Variants in SLC4A4 observed in about 807,000 individuals in gnomAD.
The protein encoded by SLC4A4 is electrogenic sodium bicarbonate cotransporter 1.
In SLC4A4, 27 loss-of-function variants were observed where a neutral mutation model predicts 111.5. That is an observed-to-expected ratio of 0.24 (90% CI 0.18 to 0.33). The LOEUF is 0.33. SLC4A4 is among the 10% of genes least tolerant of loss of function. The probability of loss-of-function intolerance (pLI) is 1.00; values close to 1 mark genes in which losing one functional copy is unlikely to be tolerated. For synonymous variants in SLC4A4, 443 were observed against 463.4 expected (o/e 0.96, Z 0.57); for missense variants, 909 against 1,315.5 (o/e 0.69, Z 4.78).
At chr4:71,370,608 T>A (rs150240243) in intron 6 of SLC4A4, among the ~76,000 whole-genome samples, 4 of 152,194 alleles carry the variant, frequency 2.6e-5, no homozygotes, top group Non-Finnish European at 4.4e-5. Context: ...TGAGTTAATC[T>A]TACCAACATA....
chr4:71,296,891 A>G (rs1366380564), intron 3 of SLC4A4, among the ~76,000 whole-genome samples: 3 of 152,216 alleles, frequency 2.0e-5, no homozygotes, highest in Non-Finnish European at 2.9e-5. Context: ...ATTATCCTTC[A>G]TTGGATATTA....
chr4:71,292,831 TG>T lies in SLC4A4; in HGVS notation c.253+37434del, dbSNP rs1724462653. Reference sequence around the variant, plus strand: ...ACATAGTGTGAGTATGTCTTACTTTTGGTTTTTTTTGTTTTTTTTTTTTTTT... The same window carrying T: ...ACATAGTGTGAGTATGTCTTACTTTTGTTTTTTTTGTTTTTTTTTTTTTTT... On this transcript the variant is annotated intron_variant, in intron 3 of 25. Coordinates refer to ENST00000264485, the MANE Select transcript of SLC4A4 (RefSeq NM_001098484.3). 1.1e-4 allele frequency among the ~76,000 whole-genome samples: 16 copies of T among 143,622 alleles called. 1 individual carries two copies. The highest frequency in any genetic ancestry group is 4.4e-4 in the Admixed American group (6 of 13,736). The allele number at this position is 143,622 out of a possible 152,430, so 94.2% of individuals were successfully genotyped here. A position where few individuals can be genotyped will look rare whatever the true frequency, so the allele number is the denominator to read the frequency against.
At chr4:71,226,948 C>G (rs143801344) in intron 1 of SLC4A4, among the ~76,000 whole-genome samples, 9 of 152,086 alleles carry the variant, frequency 5.9e-5, no homozygotes, top group Middle Eastern at 3.4e-3. Flanking sequence ...GGTAGAAAAA[C>G]TTCAGAAAGA....
intron 6 of SLC4A4, among the ~76,000 whole-genome samples, chr4:71,380,416 C>G (rs1718010143): frequency 6.6e-6 from 1 of 152,174 alleles, no homozygotes; most frequent in Non-Finnish European, 1.5e-5. Flanking sequence ...AGGTCTGTCT[C>G]TTTCTGGGCA....
rs534837122 is a variant in SLC4A4, at chr4:71,365,766, A to G, written c.730+8579A>G. On this transcript the variant is annotated intron_variant, in intron 6 of 25. Coordinates refer to ENST00000264485, the MANE Select transcript of SLC4A4 (RefSeq NM_001098484.3). ...AAAATGTCATTCCATTAACTATATTAGTAGTAGAAATAAGAATAATGCCTC... is the reference window on the plus strand; with the variant it reads ...AAAATGTCATTCCATTAACTATATTGGTAGTAGAAATAAGAATAATGCCTC... Among the ~76,000 whole-genome samples the G allele has an allele frequency of 2.2e-4, 34 of 152,320 alleles. No homozygotes were observed. In the South Asian group the frequency reaches 6.8e-3, roughly 31 times the overall value.
chr4:71,174,759 T>C (rs549455740), intron 2 of SLC4A4, among the ~76,000 whole-genome samples: 3 of 152,222 alleles, frequency 2.0e-5, no homozygotes, highest in Non-Finnish European at 4.4e-5. Flanking sequence ...TTATTTGTTT[T>C]TGAGACAGGG....
chr4:71,101,481 C>A (rs144689478), intron 2 of SLC4A4, among the ~76,000 whole-genome samples: 6 of 152,166 alleles, frequency 3.9e-5, no homozygotes, highest in Non-Finnish European at 5.9e-5. Context: ...CATTTACCTC[C>A]AGAACTCTTT....
chr4:71,212,721 G>A (rs1718204947), intron 1 of SLC4A4, among the ~76,000 whole-genome samples: 1 of 152,208 alleles, frequency 6.6e-6, no homozygotes, highest in African/African-American at 2.4e-5. Flanking sequence ...AGCAGGTTTA[G>A]TTTTGGGTAG....
chr4:71,453,860 C>A (rs952172232), intron 12 of SLC4A4, among the ~76,000 whole-genome samples, 191 bp downstream of exon 12: 1 of 151,980 alleles, frequency 6.6e-6, no homozygotes, highest in African/African-American at 2.4e-5. Flanking sequence ...AAAAATAGCT[C>A]GATGAAATCT....
At chr4:71,565,207 C>T (rs554152100) in intron 24 of SLC4A4, among the ~76,000 whole-genome samples, 24 of 151,948 alleles carry the variant, frequency 1.6e-4, no homozygotes, top group African/African-American at 5.1e-4. Flanking sequence ...ATTTGGCCCA[C>T]GCCCCATGGA....
In SLC4A4 at chr4:71,109,666, C is replaced by T. The variant is rs1173890323; in HGVS notation, c.-2+16874C>T. Among the ~76,000 whole-genome samples, 3 of 151,862 alleles carry T rather than the reference C, an allele frequency of 2.0e-5. No individual in the cohort carries two copies. The South Asian group carries it at 6.2e-4, about 32-fold the overall frequency. On this transcript the variant is annotated intron_variant, in intron 2 of 26. Transcript: ENST00000649996. Reference sequence around the variant, plus strand: ...CAAGAGATTGTTATGCCTCAGCCTCCCAAGAAGCTGGGACTACAGGTGTGC... The same window carrying T: ...CAAGAGATTGTTATGCCTCAGCCTCTCAAGAAGCTGGGACTACAGGTGTGC...
intron 3 of SLC4A4, among the ~76,000 whole-genome samples, chr4:71,332,131 C>T (rs1218412703): frequency 1.3e-5 from 2 of 152,004 alleles, no homozygotes; most frequent in South Asian, 4.2e-4. Context: ...GTTTTTGTTT[C>T]ATGGATCTTT....
At position 71,440,709 on chromosome 4, in the gene SLC4A4, G is replaced by A. The variant is rs376061886; in HGVS notation, c.901G>A (p.Ala301Thr). Residue 301 changes from alanine (A) to threonine (T), a missense_variant, in exon 8 of 26, where the codon GCC (alanine) becomes ACC (threonine). Ala to Thr is a moderately conservative substitution (Grantham distance 58). Around this residue, in one of 7 missense-constraint regions of SLC4A4, gnomAD observed 312 missense variants for 402.0 expected, o/e 0.78. Transcript: ENST00000264485. ...EVDFLDTPFI[A>T]FVRLQQAVML... ...TGACTTTTTGGATACTCCTTTCATT[G>A]CCTTTGTTAGGCTACAGCAGGCTGT... The A allele has an allele frequency of 2.5e-6, 4 of 1,614,120 alleles. No homozygotes were observed. The highest frequency in any genetic ancestry group is 3.4e-6 in the Non-Finnish European group (4 of 1,179,992).
At chr4:71,193,849 A>G (rs905244766) in intron 1 of SLC4A4, among the ~76,000 whole-genome samples, 2 of 152,208 alleles carry the variant, frequency 1.3e-5, no homozygotes, top group Non-Finnish European at 2.9e-5. Context: ...GACTCAGCTA[A>G]CCAGGCAAAC....
chr4:71,167,240 G>A (rs932928710), intron 2 of SLC4A4, among the ~76,000 whole-genome samples: 3 of 152,136 alleles, frequency 2.0e-5, no homozygotes, highest in East Asian at 1.9e-4. Flanking sequence ...GCTTCTCCAT[G>A]TGGCCACTCC....
intron 3 of SLC4A4, among the ~76,000 whole-genome samples, chr4:71,304,472 A>G (rs1483600004): frequency 5.3e-5 from 8 of 152,184 alleles, no homozygotes; most frequent in Non-Finnish European, 1.0e-4. Flanking sequence ...CCCTCACCAA[A>G]TTGGATGATG....
intron 2 of SLC4A4, among the ~76,000 whole-genome samples, chr4:71,121,751 C>G (rs1353764053): frequency 6.6e-6 from 1 of 152,156 alleles, no homozygotes; most frequent in Non-Finnish European, 1.5e-5. Flanking sequence ...AGCAGGCTGC[C>G]CCAGCAGCAC....
intron 14 of SLC4A4, among the ~76,000 whole-genome samples, chr4:71,475,237 C>T (rs2149112178): frequency 6.6e-6 from 1 of 151,812 alleles, no homozygotes; most frequent in Middle Eastern, 3.4e-3. Flanking sequence ...CAGAAAAAAA[C>T]ATCTAATGTC....
intron 2 of SLC4A4, among the ~76,000 whole-genome samples, chr4:71,161,290 C>T (rs72860052): frequency 6.6e-6 from 1 of 152,162 alleles, no homozygotes; most frequent in Non-Finnish European, 1.5e-5. Context: ...TGTCAGGTAG[C>T]AATATGATTA....
Sources: gnomAD v4.1 joint callset for allele counts (sites outside exome capture counted in the v4.1 genomes callset) on GRCh38, gnomAD v4.1.1 for gene constraint, gnomAD v4.1.1 regional missense constraint, MANE v1.5 for transcripts, NCBI Gene and HGNC (gene_info 2026-07-23, HGNC 2026-07-21) for gene names.